The following CCDC60 variants were observed in gnomAD, a reference collection of about 807,000 sequenced individuals.
CCDC60 encodes the protein coiled-coil domain containing 60.
A neutral mutation model predicts 63.5 loss-of-function variants in CCDC60; 54 were observed. The observed-to-expected ratio is 0.85, with a 90% confidence interval of 0.68 to 1.07. The LOEUF (loss-of-function observed/expected upper bound fraction) is 1.07, where lower values mean the gene tolerates loss of function less well. Ranked by LOEUF, CCDC60 falls within the 50% of genes least tolerant of loss-of-function variation. CCDC60 has a pLI of 0.00. For synonymous variants in CCDC60, 206 were observed against 238.8 expected, an observed-to-expected ratio of 0.86 and a Z score of 1.27; for missense variants, 651 against 684.3, an observed-to-expected ratio of 0.95 and a Z score of 0.54.
chr12:119,452,343 C>CAAA (rs1482826875), intron 2 of CCDC60, among the ~76,000 whole-genome samples: 1 of 152,146 alleles, frequency 6.6e-6, no homozygotes, highest in Non-Finnish European at 1.5e-5. Flanking sequence ...TAAGACCTTC[C>CAAA]AAACTGCTTT....
At chr12:119,375,073 C>T (rs1016427846) in intron 1 of CCDC60, among the ~76,000 whole-genome samples, 13 of 152,140 alleles carry the variant, frequency 8.5e-5, no homozygotes, top group African/African-American at 2.9e-4. Context: ...ACTAGGAATG[C>T]CTAGCCTCCT....
chr12:119,390,036 A>G (rs927654955), intron 1 of CCDC60, among the ~76,000 whole-genome samples: 4 of 152,234 alleles, frequency 2.6e-5, no homozygotes, highest in African/African-American at 7.2e-5. Context: ...ATTTTCATAC[A>G]TAAAATAAAT....
chr12:119,441,929 T>C (rs551317688), intron 2 of CCDC60, among the ~76,000 whole-genome samples: 49 of 152,346 alleles, frequency 3.2e-4, no homozygotes, highest in Middle Eastern at 3.4e-3. Flanking sequence ...AATTGGCTCA[T>C]AGAGTTTGCA....
intron 13 of CCDC60, 59 bp downstream of exon 13, chr12:119,531,122 C>T: frequency 6.9e-7 from 1 of 1,453,136 alleles, no homozygotes; most frequent in Non-Finnish European, 9.5e-7. Flanking sequence ...AATCACCTCT[C>T]AACATTCAGG....
chr12:119,533,678 C>T (rs530073011), intron 13 of CCDC60, among the ~76,000 whole-genome samples: 10 of 152,310 alleles, frequency 6.6e-5, no homozygotes, highest in Admixed American at 5.9e-4. Context: ...AACAGGGAAT[C>T]CTTTCCCCAT....
At chr12:119,344,018 A>G (rs781179798) in intron 1 of CCDC60, among the ~76,000 whole-genome samples, 4 of 152,000 alleles carry the variant, frequency 2.6e-5, no homozygotes, top group Admixed American at 6.6e-5. Flanking sequence ...ACTTTGCCCC[A>G]TGAACTCCCA....
chr12:119,483,659 G>C (rs1222851245), intron 4 of CCDC60, among the ~76,000 whole-genome samples: 1 of 152,194 alleles, frequency 6.6e-6, no homozygotes, highest in Non-Finnish European at 1.5e-5. Flanking sequence ...TCTTCTCAGA[G>C]ATGTTTATGC....
At chr12:119,424,654 TA>T (rs544131136) in intron 1 of CCDC60, among the ~76,000 whole-genome samples, 2 of 152,308 alleles carry the variant, frequency 1.3e-5, no homozygotes, top group East Asian at 3.9e-4. Context: ...TTATTTAACT[TA>T]TTAACTTTTA....
chr12:119,529,343 A>T (rs1952775145), intron 12 of CCDC60, among the ~76,000 whole-genome samples: 1 of 152,142 alleles, frequency 6.6e-6, no homozygotes, highest in African/African-American at 2.4e-5. Context: ...ACAAGGAAAC[A>T]GAGACTCAGA....
At chr12:119,488,226 G>T (rs1382979283) in intron 4 of CCDC60, among the ~76,000 whole-genome samples, 2 of 152,152 alleles carry the variant, frequency 1.3e-5, no homozygotes, top group East Asian at 3.8e-4. Flanking sequence ...TAAATGTAAA[G>T]CAATGCATCC....
At chr12:119,527,942 G>A (rs1952735636) in intron 11 of CCDC60, among the ~76,000 whole-genome samples, 1 of 151,892 alleles carries the variant, frequency 6.6e-6, no homozygotes, top group African/African-American at 2.4e-5. Flanking sequence ...AAAGTGCTGG[G>A]ATTACAGGCA....
intron 2 of CCDC60, among the ~76,000 whole-genome samples, chr12:119,437,600 G>T (rs894476806): frequency 2.6e-5 from 4 of 152,194 alleles, no homozygotes; most frequent in Admixed American, 2.6e-4. Flanking sequence ...GTGAATTTAA[G>T]TAGTTGGAAA....
intron 3 of CCDC60, among the ~76,000 whole-genome samples, chr12:119,476,959 C>A (rs888689918): frequency 1.3e-5 from 2 of 152,236 alleles, no homozygotes; most frequent in Admixed American, 6.5e-5. Context: ...GCCATGAACA[C>A]CCACTCTAAA....
At chr12:119,397,403 A>G (rs897311464) in intron 1 of CCDC60, among the ~76,000 whole-genome samples, 2 of 151,820 alleles carry the variant, frequency 1.3e-5, no homozygotes, top group African/African-American at 2.4e-5. Flanking sequence ...GTCCATTTTG[A>G]TAGAGTGCTG....
rs538670972 is a variant in CCDC60 at position 119,449,074 on chromosome 12, T to C, written c.170+20312T>C. 1.3e-3 allele frequency among the ~76,000 whole-genome samples: 205 copies of C among 152,256 alleles called. 1 individual carries two copies. The highest frequency in any genetic ancestry group is 6.8e-3 in the Middle Eastern group (2 of 294). ...TGTTTCCAAGGTATGGGGTGACTTT[T>C]TGGGGGGCAGGCAGGATGCTGTGTG... On this transcript the variant is annotated intron_variant, in intron 2 of 13. Coordinates refer to ENST00000327554, the MANE Select transcript of CCDC60 (RefSeq NM_178499.5).
chr12:119,447,434 G>T (rs1950561718), intron 2 of CCDC60, among the ~76,000 whole-genome samples: 1 of 152,180 alleles, frequency 6.6e-6, no homozygotes, highest in Admixed American at 6.5e-5. Flanking sequence ...AACCATCACA[G>T]GCTGGTGGTC....
intron 3 of CCDC60, among the ~76,000 whole-genome samples, chr12:119,475,208 G>T (rs1364734288): frequency 6.6e-6 from 1 of 152,216 alleles, no homozygotes; most frequent in Non-Finnish European, 1.5e-5. Context: ...GAGAAGGCAT[G>T]AACTCATGGC....
At chr12:119,524,390 T>C in intron 11 of CCDC60, 2 of 964,668 alleles carry the variant, frequency 2.1e-6, no homozygotes, top group Non-Finnish European at 2.5e-6. Context: ...CTGCCCTTTC[T>C]AGCTTACTCC....
chr12:119,385,387 C>A (rs998463851), intron 1 of CCDC60, among the ~76,000 whole-genome samples: 1 of 152,150 alleles, frequency 6.6e-6, no homozygotes, highest in Non-Finnish European at 1.5e-5. Flanking sequence ...GTGGGAGGGA[C>A]TTGATGGAAG....
Sources: gnomAD v4.1 joint callset for allele counts (sites outside exome capture counted in the v4.1 genomes callset) on GRCh38, gnomAD v4.1.1 for gene constraint, MANE v1.5 for transcripts, NCBI Gene and HGNC (gene_info 2026-07-23, HGNC 2026-07-21) for gene names.